The following GABRD variants were observed in gnomAD, a reference collection of about 807,000 sequenced individuals.
GABRD encodes gamma-aminobutyric acid receptor subunit delta.
Under a neutral mutation model 47.3 loss-of-function variants are expected in GABRD, and 25 were observed. The observed-to-expected ratio is 0.53, with a 90% CI of 0.39 to 0.74. The LOEUF is 0.74. Among genes scored for constraint, GABRD ranks in the 30% least tolerant of loss-of-function variants. The pLI, the probability that GABRD is intolerant of heterozygous loss-of-function variation, is 0.00. For synonymous variants in GABRD, 314 were observed against 278.8 expected (o/e 1.13, Z -1.26); for missense variants, 497 against 643.4 (o/e 0.77, Z 2.46).
At chr1:2,027,031 C>T (rs1356370226) in intron 4 of GABRD, 7 of 191,732 alleles carry the variant, frequency 3.7e-5, no homozygotes, top group South Asian at 9.3e-5. Flanking sequence ...GTGGTGTGCA[C>T]CTGTGGTCTC....
Position 2,029,159 on chromosome 1 carries a change from G to T in GABRD, c.740G>T (p.Arg247Leu). The T allele has an allele frequency of 6.5e-7, 1 of 1,549,264 alleles. No individual in the cohort carries two copies. Among genetic ancestry groups the T allele is most frequent in the Non-Finnish European group, 8.7e-7 (1 of 1,148,352 alleles). ...CTGCACTTCCACCTGCGGAGGAACC[G>T]CGGCGTGTACATCATCCAATCCTAC... Reference protein sequence around the residue: ...LSLHFHLRRNRGVYIIQSYMP... With the variant: ...LSLHFHLRRNLGVYIIQSYMP... The change falls in exon 7 of 9, where the codon CGC becomes CTC. Residue 247 changes from arginine to leucine, a missense_variant. Around this residue, in one of 3 missense-constraint regions of GABRD, gnomAD observed 285 missense variants for 436.6 expected, o/e 0.65. Coordinates refer to ENST00000378585, the MANE Select transcript of GABRD (RefSeq NM_000815.5).
chr1:2,022,876 G>A (rs924705852), intron 1 of GABRD, among the ~76,000 whole-genome samples: 1 of 152,176 alleles, frequency 6.6e-6, no homozygotes, highest in African/African-American at 2.4e-5. Context: ...GATTGGGGTT[G>A]GCAGAATCTG....
chr1:2,029,376 G>C (rs564302115), intron 7 of GABRD, 110 bp downstream of exon 7: 1 of 1,447,812 alleles, frequency 6.9e-7, no homozygotes, highest in Non-Finnish European at 9.2e-7. Context: ...CATGCCAGCT[G>C]TCCTGGGGCA....
chr1:2,029,136 G>A lies in GABRD; in HGVS notation c.717G>A (p.Leu239=), dbSNP rs1049386733. ...CTGGCCAGTTCCCACGGCTCAGCCTGCACTTCCACCTGCGGAGGAACCGCG... is the reference window on the plus strand; with the variant it reads ...CTGGCCAGTTCCCACGGCTCAGCCTACACTTCCACCTGCGGAGGAACCGCG... ...KSAGQFPRLS[L]HFHLRRNRGV... Residue 239 remains leucine (L), a synonymous_variant, in exon 7 of 9, where the codon CTG becomes CTA. Coordinates refer to ENST00000378585, the MANE Select transcript of GABRD (RefSeq NM_000815.5). The A allele has an allele frequency of 6.5e-7, 1 of 1,544,410 alleles. No individual in the cohort carries two copies. The highest frequency in any genetic ancestry group is 2.4e-5 in the East Asian group (1 of 40,940).
At position 2,030,165 on chromosome 1, in the gene GABRD, C is replaced by G; in HGVS notation, c.1242C>G (p.Gly414=). The part of the protein sequence containing the change: ...EGAARSGGQG[G]IRARLRPIDA... ...CAGCCCGCTCAGGAGGCCAGGGGGGCATCCGTGCCCGGCTCAGGCCCATCG... is the reference window on the plus strand; with the variant it reads ...CAGCCCGCTCAGGAGGCCAGGGGGGGATCCGTGCCCGGCTCAGGCCCATCG... Residue 414 remains glycine (G), a synonymous_variant, in exon 9 of 9, where the codon GGC becomes GGG. Transcript: ENST00000378585. The G allele has an allele frequency of 6.4e-7, 1 of 1,574,208 alleles. No individual in the cohort carries two copies. Among genetic ancestry groups the G allele is most frequent in the Non-Finnish European group, 8.6e-7 (1 of 1,158,758 alleles).
chr1:2,025,771 G>A, intron 4 of GABRD, 33 bp downstream of exon 4: 2 of 1,587,828 alleles, frequency 1.3e-6, no homozygotes, highest in Non-Finnish European at 1.7e-6. Context: ...CTCCGGGGGA[G>A]AGCCTGCCCG....
intron 7 of GABRD, 58 bp from the exon 8 acceptor site, chr1:2,029,493 C>A (rs1446643725): frequency 1.9e-6 from 3 of 1,597,790 alleles, no homozygotes; most frequent in African/African-American, 2.7e-5. Flanking sequence ...GGCATCAAGG[C>A]TGGGATGGGG....
chr1:2,020,941 C>T (rs1298474643), intron 1 of GABRD, among the ~76,000 whole-genome samples: 1 of 152,258 alleles, frequency 6.6e-6, no homozygotes, highest in Admixed American at 6.5e-5. Context: ...CAGCCACAGC[C>T]TCTGTGTCCA....
chr1:2,027,409 A>T (rs189301522), intron 4 of GABRD, 168 bp from the exon 5 acceptor site: 4 of 681,330 alleles, frequency 5.9e-6, no homozygotes, highest in Non-Finnish European at 1.1e-5. Flanking sequence ...CTTGACGTCT[A>T]TGAAGTTGAG....
At chr1:2,021,591 GGTCGGCC>G (rs2102143063) in intron 1 of GABRD, among the ~76,000 whole-genome samples, 1 of 152,314 alleles carries the variant, frequency 6.6e-6, no homozygotes, top group East Asian at 1.9e-4. Flanking sequence ...GGCGGCCGTG[GGTCGGCC>G]CGGAGTGTGA....
At position 2,025,295 on chromosome 1, in the gene GABRD, C is replaced by T. The variant is rs116241010; in HGVS notation, c.182-39C>T. ...GTCCCATCGTGGCTCCCATGCTGGG[C>T]CGGCCTCAGTCCTTCTTAGTTCTGC... On this transcript the variant is annotated intron_variant, in intron 2 of 8. Transcript: ENST00000378585. 2.4e-3 allele frequency: 3,876 copies of T among 1,610,302 alleles called. 13 individuals carry two copies. Among genetic ancestry groups the T allele is most frequent in the East Asian group, 0.014 (616 of 44,828 alleles).
intron 2 of GABRD, 139 bp downstream of exon 2, chr1:2,025,193 C>G (rs1446435199): frequency 5.5e-6 from 7 of 1,281,022 alleles, no homozygotes; most frequent in Non-Finnish European, 7.8e-6. Flanking sequence ...CAGAGCCAGG[C>G]CCCCACAGAG....
At chr1:2,029,456 G>C in intron 7 of GABRD, 95 bp from the exon 8 acceptor site, 1 of 1,527,966 alleles carries the variant, frequency 6.5e-7, no homozygotes, top group Non-Finnish European at 8.9e-7. Context: ...GGGGTGGGGG[G>C]CAGCGGACCC....
chr1:2,030,123 G>T lies in GABRD; in HGVS notation c.1200G>T (p.Glu400Asp), dbSNP rs1306828098. Residue 400 changes from glutamate (E) to aspartate (D), a missense_variant, in exon 9 of 9, where the codon GAG (glutamate) becomes GAT (aspartate). By Grantham distance (45) the Glu-to-Asp change is conservative. This residue lies in a region of GABRD where 121 missense variants were observed against 121.3 expected (regional missense o/e 1.00). Transcript: ENST00000378585. ...SYRSVGVETGETKKEGAARSG... is the reference protein window; with the variant it reads ...SYRSVGVETGDTKKEGAARSG... ...GGTCGGTGGGGGTGGAGACAGGGGA[G>T]ACGAAGAAGGAGGGGGCAGCCCGCT... The T allele has an allele frequency of 6.3e-7, 1 of 1,582,022 alleles. No individual in the cohort carries two copies. The highest frequency in any genetic ancestry group is 1.8e-5 in the Admixed American group (1 of 55,750).
chr1:2,025,512 C>T lies in GABRD; in HGVS notation c.250-6C>T, dbSNP rs1419238879. The T allele has an allele frequency of 1.9e-6, 3 of 1,612,420 alleles. No homozygotes were observed. The highest frequency in any genetic ancestry group is 1.6e-4 in the Middle Eastern group (1 of 6,082). ...CTGACCCCCGGCCCCTGTGCCACCT[C>T]CACAGGAGTACACCATGACGGTGTT... is the stretch of plus-strand genomic sequence containing the variant. On this transcript the variant is annotated splice_region_variant and splice_polypyrimidine_tract_variant and intron_variant, in intron 3 of 8. Transcript: ENST00000378585.
rs750066368 is a variant in GABRD, at chr1:2,029,314, G to A, written c.847+48G>A. ...CGAGGGAGCTGGAAGGGCGGCCCTGGGGAACAGGACTCCCCATCCCTCGGC... is the reference window on the plus strand; with the variant it reads ...CGAGGGAGCTGGAAGGGCGGCCCTGAGGAACAGGACTCCCCATCCCTCGGC... On this transcript the variant is annotated intron_variant, in intron 7 of 8. Transcript: ENST00000378585. 4 of 1,530,128 alleles carry A rather than the reference G, an allele frequency of 2.6e-6. No individual in the cohort carries two copies. In the South Asian group the frequency reaches 4.8e-5, roughly 18 times the overall value. 94.8% of individuals were successfully genotyped at this position (1,530,128 alleles called of 1,614,324 possible). A position where few individuals can be genotyped will look rare whatever the true frequency, so the allele number is the denominator to read the frequency against.
In GABRD at chr1:2,025,338, C is replaced by T; in HGVS notation, c.186C>T (p.Pro62=). ...AGTTCTGCTCTTTCCTTGCAGGCCC[C>T]CCCGTGAATGTGGCCCTTGCCCTGG... ...ARNFRPGIGG[P]PVNVALALEV... is the part of the protein sequence containing the mutation. Residue 62 remains proline (P), a synonymous_variant, in exon 3 of 9, where the codon CCC becomes CCT. Transcript: ENST00000378585. 1.9e-6 allele frequency: 3 copies of T among 1,613,214 alleles called. No homozygotes were observed. Among genetic ancestry groups the T allele is most frequent in the South Asian group, 2.2e-5 (2 of 91,086 alleles).
At chr1:2,027,970 C>T (rs564996975) in intron 5 of GABRD, 185 bp from the exon 6 acceptor site, 6 of 656,634 alleles carry the variant, frequency 9.1e-6, no homozygotes, top group African/African-American at 9.1e-5. Flanking sequence ...GTCCCATCCA[C>T]CTGCCCGGAG....
Position 2,028,125 on chromosome 1 carries a change from C to T in GABRD, c.554-30C>T. On this transcript the variant is annotated intron_variant, in intron 5 of 8. Transcript: ENST00000378585. This position sits in a 1 kb window ranked among gnomAD's most constrained non-coding sequence, Gnocchi z 6.4. The stretch of plus-strand genomic sequence containing the variant: ...AGGGCTCCCGGGGCAGGGCCGGGCT[C>T]TGCCGCCCACCTGTGTGCTTTTCCT... 6.3e-7 allele frequency: 1 copy of T among 1,595,714 alleles called. No individual in the cohort carries two copies. Among genetic ancestry groups the T allele is most frequent in the Non-Finnish European group, 8.6e-7 (1 of 1,167,830 alleles).
Sources: gnomAD v4.1 joint callset for allele counts (sites outside exome capture counted in the v4.1 genomes callset) on GRCh38, gnomAD v4.1.1 for gene constraint, gnomAD v4.1.1 regional missense constraint, Gnocchi (gnomAD v3.1) non-coding constraint, MANE v1.5 for transcripts, NCBI Gene and HGNC (gene_info 2026-07-23, HGNC 2026-07-21) for gene names.